The following HDAC9 variants were observed in gnomAD, a reference collection of about 807,000 sequenced individuals.
HDAC9 encodes MEF-2 interacting transcription repressor (MITR) protein.
A neutral mutation model predicts 139.4 loss-of-function variants in HDAC9; 41 were observed. That is an observed-to-expected ratio of 0.29 (90% CI 0.23 to 0.38). The LOEUF is 0.38. Among genes scored for constraint, HDAC9 ranks in the 10% least tolerant of loss-of-function variants. The pLI is 1.00. For synonymous variants in HDAC9, 517 were observed against 476.2 expected (o/e 1.09, Z -1.12); for missense variants, 1,147 against 1,297.0 (o/e 0.88, Z 1.78).
At chr7:18,920,410 T>A (rs1057345283) in intron 22 of HDAC9, among the ~76,000 whole-genome samples, 4 of 152,136 alleles carry the variant, frequency 2.6e-5, no homozygotes, top group Admixed American at 1.3e-4. Flanking sequence ...CAATGGGGTT[T>A]TCTAGATATA....
At position 18,320,289 on chromosome 7, in the gene HDAC9, A is replaced by G. The variant is rs1031158782; in HGVS notation, c.-42+29774A>G. Among the ~76,000 whole-genome samples, 44 of 152,206 alleles carry G rather than the reference A, an allele frequency of 2.9e-4. 1 individual carries two copies. Among genetic ancestry groups the G allele is most frequent in the African/African-American group, 1.1e-3 (44 of 41,448 alleles). ...TCCTGTACTCTGTGGTTGATTTCTCATTAAATCCAGTGGTGACACCTCCAC... is the reference window on the plus strand; with the variant it reads ...TCCTGTACTCTGTGGTTGATTTCTCGTTAAATCCAGTGGTGACACCTCCAC... On this transcript the variant is annotated intron_variant, in intron 1 of 3. Transcript: ENST00000413509.
At chr7:18,848,935 T>C (rs1455718650) in intron 21 of HDAC9, among the ~76,000 whole-genome samples, 2 of 152,194 alleles carry the variant, frequency 1.3e-5, no homozygotes, top group African/African-American at 2.4e-5. Flanking sequence ...TTTTACATTA[T>C]TTAATGCATT....
chr7:18,324,305 A>G (rs1305405567), intron 1 of HDAC9, among the ~76,000 whole-genome samples: 1 of 152,190 alleles, frequency 6.6e-6, no homozygotes, highest in Admixed American at 6.5e-5. Flanking sequence ...ATGTGATTAT[A>G]GAAGAAGCTT....
At chr7:18,458,896 TC>T (rs1392495228) in intron 1 of HDAC9, 2 of 1,533,026 alleles carry the variant, frequency 1.3e-6, no homozygotes, top group Admixed American at 3.9e-5. Flanking sequence ...TGTAGGATCT[TC>T]CCAGGTAGAA....
At chr7:18,501,849 G>C (rs958666815) in intron 2 of HDAC9, among the ~76,000 whole-genome samples, 1 of 152,138 alleles carries the variant, frequency 6.6e-6, no homozygotes, top group Non-Finnish European at 1.5e-5. Context: ...GTGATTAATT[G>C]TAAGTAGTAG....
At chr7:18,526,774 A>T (rs1225167028) in intron 2 of HDAC9, among the ~76,000 whole-genome samples, 1 of 152,164 alleles carries the variant, frequency 6.6e-6, no homozygotes, top group Non-Finnish European at 1.5e-5. Context: ...ACTAGATCTT[A>T]ACAGTATCCT....
At chr7:18,201,819 C>T (rs1219699807) in intron 2 of HDAC9, among the ~76,000 whole-genome samples, 1 of 152,090 alleles carries the variant, frequency 6.6e-6, no homozygotes, top group Non-Finnish European at 1.5e-5. Context: ...CCATTATTCT[C>T]CTGAATAGAG....
chr7:18,384,174 G>A (rs1785701056), intron 1 of HDAC9, among the ~76,000 whole-genome samples: 1 of 151,986 alleles, frequency 6.6e-6, no homozygotes. Context: ...TTCCAGGTGT[G>A]GTGGTGTGTG....
intron 1 of HDAC9, among the ~76,000 whole-genome samples, chr7:18,300,705 A>T (rs532228034): frequency 9.2e-5 from 14 of 152,258 alleles, no homozygotes; most frequent in Non-Finnish European, 1.8e-4. Context: ...TATACCACAC[A>T]CCATTCCACA....
chr7:18,135,508 T>G (rs1349544386), intron 1 of HDAC9, among the ~76,000 whole-genome samples: 1 of 133,870 alleles, frequency 7.5e-6, no homozygotes, highest in African/African-American at 2.8e-5. Context: ...TGTGTCCATG[T>G]GATCTCATTG....
chr7:18,455,034 G>T lies in HDAC9; in HGVS notation c.-41-41228G>T, dbSNP rs112298097. Among the ~76,000 whole-genome samples, 1,173 of 151,974 alleles carry T rather than the reference G, an allele frequency of 7.7e-3. 15 individuals are homozygous for T. Among genetic ancestry groups the T allele is most frequent in the African/African-American group, 0.027 (1,110 of 41,486 alleles). ...TCTCACATAATTCACAGCTGCCTTTGGTCTTGATTTTTTCTTTCTTTTTTC... is the reference window on the plus strand; with the variant it reads ...TCTCACATAATTCACAGCTGCCTTTTGTCTTGATTTTTTCTTTCTTTTTTC... On this transcript the variant is annotated intron_variant, in intron 1 of 3. Transcript: ENST00000413509.
At chr7:18,468,753 G>T (rs1013143749) in intron 1 of HDAC9, among the ~76,000 whole-genome samples, 1 of 152,176 alleles carries the variant, frequency 6.6e-6, no homozygotes, top group African/African-American at 2.4e-5. Flanking sequence ...GAATGAATGG[G>T]ATCTGTAAAG....
chr7:18,490,356 T>G (rs1353624469), intron 1 of HDAC9, among the ~76,000 whole-genome samples: 1 of 152,060 alleles, frequency 6.6e-6, no homozygotes, highest in Non-Finnish European at 1.5e-5. Context: ...GAATAAATCT[T>G]GGCTCAACAC....
At chr7:18,619,931 G>C (rs706085) in intron 6 of HDAC9, among the ~76,000 whole-genome samples, 133,559 of 152,050 alleles carry the variant, frequency 0.88, 58,706 homozygotes, top group South Asian at 0.97. Flanking sequence ...GCAAATGAAT[G>C]TCTGCCTTTC....
chr7:18,675,749 C>T (rs942120934), intron 12 of HDAC9, among the ~76,000 whole-genome samples: 22 of 152,008 alleles, frequency 1.4e-4, no homozygotes, highest in African/African-American at 5.3e-4. Context: ...CTCCCTGCCC[C>T]AAGAGTTGAG....
intron 2 of HDAC9, among the ~76,000 whole-genome samples, chr7:18,546,715 T>C (rs1156295819): frequency 2.0e-5 from 3 of 152,176 alleles, no homozygotes; most frequent in Admixed American, 2.0e-4. Context: ...CAAATGTAAA[T>C]ATATTCATAG....
intron 25 of HDAC9, among the ~76,000 whole-genome samples, chr7:18,977,318 A>C (rs1475113944): frequency 6.6e-6 from 1 of 152,202 alleles, no homozygotes; most frequent in East Asian, 1.9e-4. Context: ...GAGAGCCATA[A>C]AACTGAGGAA....
intron 6 of HDAC9, among the ~76,000 whole-genome samples, chr7:18,618,728 A>G (rs1180167454): frequency 7.6e-5 from 1 of 13,180 alleles, no homozygotes; most frequent in African/African-American, 9.4e-4. Context: ...AGAATTTTGT[A>G]TATATATATA....
chr7:18,476,690 T>G (rs1390011698), intron 1 of HDAC9, among the ~76,000 whole-genome samples: 1 of 152,188 alleles, frequency 6.6e-6, no homozygotes, highest in Non-Finnish European at 1.5e-5. Flanking sequence ...ATTAAATATC[T>G]TATTTCTTCC....
Sources: gnomAD v4.1 joint callset for allele counts (sites outside exome capture counted in the v4.1 genomes callset) on GRCh38, gnomAD v4.1.1 for gene constraint, MANE v1.5 for transcripts, NCBI Gene and HGNC (gene_info 2026-07-23, HGNC 2026-07-21) for gene names.